Variants in COP1 observed in about 807,000 individuals in gnomAD.
COP1 encodes the protein E3 ubiquitin-protein ligase COP1.
A neutral mutation model predicts 101.3 loss-of-function variants in COP1; 24 were observed. That is an observed-to-expected ratio of 0.24 (90% CI 0.17 to 0.33). The LOEUF (loss-of-function observed/expected upper bound fraction) is 0.33. COP1 is among the 10% of genes least tolerant of loss of function. COP1 has a pLI of 1.00. For missense variants in COP1, 663 were observed against 906.2 expected (o/e 0.73, Z 3.45); for synonymous variants, 347 against 341.9 (o/e 1.01, Z -0.17).
rs1008181795 is a variant in COP1, at chr1:176,159,906, G to A, written c.762+2963C>T. Among the ~76,000 whole-genome samples, 5 of 152,056 alleles carry A rather than the reference G, an allele frequency of 3.3e-5. No homozygotes were observed. In the South Asian group the frequency reaches 6.2e-4, roughly 19 times the overall value. ...TTCTTAAGTCAGATCTAAGACATAC[G>A]CCAAAATCTTCACATTTATTAAAAC... On this transcript the variant is annotated intron_variant, in intron 5 of 19. Coordinates refer to ENST00000367669, the MANE Select transcript of COP1 (RefSeq NM_022457.7).
At chr1:176,170,601 G>C (rs1558251356) in intron 3 of COP1, among the ~76,000 whole-genome samples, 1 of 152,158 alleles carries the variant, frequency 6.6e-6, no homozygotes, top group African/African-American at 2.4e-5. Context: ...GCTGAAAAGA[G>C]ATATGCTGTC....
chr1:176,203,636 G>C (rs1428076381), intron 1 of COP1, among the ~76,000 whole-genome samples: 2 of 152,142 alleles, frequency 1.3e-5, no homozygotes, highest in African/African-American at 2.4e-5. Context: ...TGTATCCAAT[G>C]TCAAGCTAAA....
chr1:175,974,836 C>A (rs1654103375), intron 18 of COP1, among the ~76,000 whole-genome samples: 1 of 148,986 alleles, frequency 6.7e-6, no homozygotes, highest in African/African-American at 2.5e-5. Flanking sequence ...AGTTTGAGAC[C>A]AGTCTGACCA....
intron 1 of COP1, among the ~76,000 whole-genome samples, chr1:176,197,205 A>G (rs1037869520): frequency 6.6e-6 from 1 of 152,172 alleles, no homozygotes; most frequent in Non-Finnish European, 1.5e-5. Flanking sequence ...TGACACAACA[A>G]CAAGTGGCCC....
At position 175,973,834 on chromosome 1, in the gene COP1, A is replaced by G. The variant is rs1248287674; in HGVS notation, c.2133+13109T>C. ...AATGGCATTATCATATGTAACAAAC[A>G]GAAGTGCAGGAAAGGGTATTTGGGA... On this transcript the variant is annotated intron_variant, in intron 18 of 19. Coordinates refer to ENST00000367669, the MANE Select transcript of COP1 (RefSeq NM_022457.7). Among the ~76,000 whole-genome samples the G allele has an allele frequency of 2.0e-5, 3 of 152,232 alleles. No homozygotes were observed. The East Asian group carries it at 5.8e-4, about 29-fold the overall frequency.
rs115202800 is a variant in COP1 at position 176,026,472 on chromosome 1, C to G, written c.1729+1100G>C. Among the ~76,000 whole-genome samples, 612 of 152,110 alleles carry G rather than the reference C, an allele frequency of 4.0e-3. 2 individuals are homozygous for G. Among genetic ancestry groups the G allele is most frequent in the Non-Finnish European group, 7.2e-3 (490 of 67,994 alleles). On this transcript the variant is annotated intron_variant, in intron 15 of 19. Coordinates refer to ENST00000367669, the MANE Select transcript of COP1 (RefSeq NM_022457.7). The stretch of plus-strand genomic sequence containing the variant: ...TTGGGAGAAAGTTAAAGAACTTGCT[C>G]AAGGTCACATTTCTAATTTGTGACA...
chr1:175,959,274 C>G (rs1402190511), intron 18 of COP1, among the ~76,000 whole-genome samples: 1 of 151,920 alleles, frequency 6.6e-6, no homozygotes, highest in Admixed American at 6.6e-5. Context: ...ATGGTAAGAA[C>G]TCTCAGCACA....
At chr1:175,982,507 ATTTTC>A (rs1392708566) in intron 18 of COP1, 1 of 365,568 alleles carries the variant, frequency 2.7e-6, no homozygotes, top group Admixed American at 3.4e-5. Context: ...CAGTAAATAT[ATTTTC>A]TTTTATGATT....
intron 11 of COP1, among the ~76,000 whole-genome samples, chr1:176,060,543 T>C (rs1489918043): frequency 6.6e-6 from 1 of 152,220 alleles, no homozygotes; most frequent in Non-Finnish European, 1.5e-5. Context: ...AGCTAAAATT[T>C]CAATTCTTAA....
chr1:176,071,309 AG>A lies in COP1; in HGVS notation c.1277+9842del, dbSNP rs200968143. Reference sequence around the variant, plus strand: ...TCCACCATGATGATGAGGCCTCCCTAGAAACTGAGCAGATGCCAGCACCATG... The same window carrying A: ...TCCACCATGATGATGAGGCCTCCCTAAAACTGAGCAGATGCCAGCACCATG... On this transcript the variant is annotated intron_variant, in intron 11 of 19. Transcript: ENST00000367669. Among the ~76,000 whole-genome samples the A allele has an allele frequency of 5.8e-3, 890 of 152,162 alleles. 12 individuals are homozygous for A. Among genetic ancestry groups the A allele is most frequent in the African/African-American group, 0.021 (853 of 41,506 alleles).
intron 3 of COP1, 85 bp downstream of exon 3, chr1:176,175,825 G>T: frequency 1.4e-6 from 1 of 706,844 alleles, no homozygotes; most frequent in Non-Finnish European, 2.4e-6. Context: ...TTACCACTAA[G>T]GTAGGTTTTC....
chr1:176,087,674 A>C (rs1680475029), intron 9 of COP1, among the ~76,000 whole-genome samples: 1 of 152,246 alleles, frequency 6.6e-6, no homozygotes, highest in Non-Finnish European at 1.5e-5. Context: ...AAACTAATTC[A>C]ACCATTGTGG....
chr1:175,995,248 C>G (rs553196167), intron 15 of COP1, among the ~76,000 whole-genome samples: 29 of 152,156 alleles, frequency 1.9e-4, no homozygotes, highest in African/African-American at 2.9e-4. Context: ...TCAAAGCAGT[C>G]TGTAGAGGGA....
At chr1:176,051,740 C>T (rs950533687) in intron 11 of COP1, among the ~76,000 whole-genome samples, 1 of 152,052 alleles carries the variant, frequency 6.6e-6, no homozygotes, top group African/African-American at 2.4e-5. Flanking sequence ...ATTCTGTTGA[C>T]CGTGACCGTA....
At chr1:176,055,533 T>TA (rs1673323149) in intron 11 of COP1, among the ~76,000 whole-genome samples, 1 of 152,246 alleles carries the variant, frequency 6.6e-6, no homozygotes, top group Non-Finnish European at 1.5e-5. Flanking sequence ...GGTGATCTCA[T>TA]ATAGTCTCAT....
At chr1:175,954,476 T>A (rs1210328919) in intron 18 of COP1, among the ~76,000 whole-genome samples, 1 of 151,988 alleles carries the variant, frequency 6.6e-6, no homozygotes, top group Non-Finnish European at 1.5e-5. Flanking sequence ...GAAAAGTTAA[T>A]TCATTGAAAA....
At chr1:175,950,538 C>G (rs1372184183) in intron 18 of COP1, among the ~76,000 whole-genome samples, 1 of 152,024 alleles carries the variant, frequency 6.6e-6, no homozygotes, top group East Asian at 1.9e-4. Context: ...ACTGGTAATT[C>G]CTAGTTGTAG....
intron 6 of COP1, among the ~76,000 whole-genome samples, chr1:176,147,128 T>C (rs1691690341): frequency 6.6e-6 from 1 of 152,166 alleles, no homozygotes; most frequent in African/African-American, 2.4e-5. Context: ...TAAATCTGTA[T>C]TTTACTTGAA....
intron 3 of COP1, among the ~76,000 whole-genome samples, chr1:176,173,798 T>C (rs791746): frequency 0.27 from 40,933 of 150,860 alleles, 6,639 homozygotes; most frequent in East Asian, 0.52. Flanking sequence ...GACCAGCCTA[T>C]CCAACATGGT....
Sources: gnomAD v4.1 joint callset for allele counts (sites outside exome capture counted in the v4.1 genomes callset) on GRCh38, gnomAD v4.1.1 for gene constraint, MANE v1.5 for transcripts, NCBI Gene and HGNC (gene_info 2026-07-23, HGNC 2026-07-21) for gene names.